FOXP1: variants seen among roughly 807,000 people sequenced by gnomAD.
FOXP1 encodes the protein forkhead box protein P1.
In FOXP1, 15 loss-of-function variants were observed where a neutral mutation model predicts 98.2. The observed-to-expected ratio is 0.15, with a 90% CI of 0.10 to 0.24. The LOEUF is 0.24. Ranked by LOEUF, FOXP1 falls within the 10% of genes least tolerant of loss-of-function variation. FOXP1 has a pLI of 1.00. For synonymous variants in FOXP1, 371 were observed against 314.5 expected (o/e 1.18, Z -1.90); for missense variants, 633 against 848.5 (o/e 0.75, Z 3.15).
At chr3:71,522,102 C>T (rs763235766) in intron 2 of FOXP1, among the ~76,000 whole-genome samples, 7 of 152,248 alleles carry the variant, frequency 4.6e-5, no homozygotes, top group African/African-American at 4.8e-5. Context: ...CCAAATACCA[C>T]GCACCAGCAA....
intron 3 of FOXP1, among the ~76,000 whole-genome samples, chr3:71,443,474 T>C (rs1428170385): frequency 6.6e-6 from 1 of 152,208 alleles, no homozygotes; most frequent in East Asian, 1.9e-4. Flanking sequence ...TTCACGTCTG[T>C]CGGTCTAACA....
intron 6 of FOXP1, among the ~76,000 whole-genome samples, chr3:71,169,562 C>A (rs945796797): frequency 6.6e-6 from 1 of 152,032 alleles, no homozygotes; most frequent in Non-Finnish European, 1.5e-5. Flanking sequence ...AAGACTTTAT[C>A]TTCTGGCTTT....
chr3:71,369,712 C>T (rs1451936628), intron 3 of FOXP1, among the ~76,000 whole-genome samples: 3 of 152,054 alleles, frequency 2.0e-5, no homozygotes, highest in African/African-American at 4.8e-5. Flanking sequence ...TCTTAATATC[C>T]GGTGTAACCC....
At chr3:71,337,979 G>A (rs2076788439) in intron 4 of FOXP1, among the ~76,000 whole-genome samples, 1 of 152,160 alleles carries the variant, frequency 6.6e-6, no homozygotes, top group Admixed American at 6.5e-5. Flanking sequence ...GACATCCTTA[G>A]GTCACAGTCA....
At chr3:71,102,781 C>A (rs1479105729) in intron 7 of FOXP1, among the ~76,000 whole-genome samples, 1 of 152,130 alleles carries the variant, frequency 6.6e-6, no homozygotes, top group Non-Finnish European at 1.5e-5. Flanking sequence ...GTTTGCGGGG[C>A]CCAGGTGGTA....
At chr3:71,503,020 CTGAAAAGCCTTCCATTAT>C (rs1473996791) in intron 2 of FOXP1, among the ~76,000 whole-genome samples, 4 of 143,912 alleles carry the variant, frequency 2.8e-5, no homozygotes, top group Non-Finnish European at 4.5e-5. Flanking sequence ...TAATGTAAAA[CTGAAAAGCCTTCCATTAT>C]TGGAAAAGGA....
chr3:71,300,109 A>G (rs141905752), intron 4 of FOXP1, among the ~76,000 whole-genome samples: 304 of 152,296 alleles, frequency 2.0e-3, no homozygotes, highest in African/African-American at 6.7e-3. Flanking sequence ...AAGGTGAAAC[A>G]TTTCAAATGT....
chr3:71,288,100 G>A (rs1169605404), intron 5 of FOXP1, among the ~76,000 whole-genome samples: 5 of 152,038 alleles, frequency 3.3e-5, no homozygotes, highest in African/African-American at 4.8e-5. Context: ...GGCTGGTCTC[G>A]AACTCCTGAG....
rs544166546 is a variant in FOXP1, at chr3:71,396,215, C to A, written c.-167-36971G>T. On this transcript the variant is annotated intron_variant, in intron 3 of 20. Coordinates refer to ENST00000649528, the MANE Select transcript of FOXP1 (RefSeq NM_001349338.3). ...GGAACAGTAGAGCATCAAAGCAGGG[C>A]AAGAATCCTGAAACTTTTGGAGCTG... is the stretch of plus-strand genomic sequence containing the variant. Among the ~76,000 whole-genome samples the A allele has an allele frequency of 1.9e-3, 291 of 152,110 alleles. 5 individuals are homozygous for A. The highest frequency in any genetic ancestry group is 4.1e-4 in the Non-Finnish European group (28 of 68,000).
At chr3:71,540,399 G>A (rs577268946) in intron 2 of FOXP1, among the ~76,000 whole-genome samples, 88 of 152,252 alleles carry the variant, frequency 5.8e-4, no homozygotes, top group Admixed American at 1.7e-3. Flanking sequence ...GGGGGGACAA[G>A]AAGGGTGAGA....
intron 4 of FOXP1, among the ~76,000 whole-genome samples, chr3:71,353,959 G>A (rs2107859142): frequency 6.6e-6 from 1 of 152,256 alleles, no homozygotes; most frequent in South Asian, 2.1e-4. Context: ...TATCAAAAGA[G>A]AAGTGATGTG....
At chr3:71,227,041 G>C (rs1014098552) in intron 5 of FOXP1, among the ~76,000 whole-genome samples, 2 of 152,038 alleles carry the variant, frequency 1.3e-5, no homozygotes, top group African/African-American at 4.8e-5. Context: ...CGGGCCTCCT[G>C]GACCACATGA....
At chr3:71,313,057 C>CT (rs1227506558) in intron 4 of FOXP1, among the ~76,000 whole-genome samples, 14,604 of 118,972 alleles carry the variant, frequency 0.12, 1,227 homozygotes, top group Non-Finnish European at 0.15. Flanking sequence ...AACTTTAATT[C>CT]TTTTTTTTTT....
At chr3:71,519,970 T>G (rs568155358) in intron 2 of FOXP1, among the ~76,000 whole-genome samples, 1 of 152,194 alleles carries the variant, frequency 6.6e-6, no homozygotes, top group Non-Finnish European at 1.5e-5. Flanking sequence ...TGGGACACAG[T>G]TTTCCAAGTA....
intron 6 of FOXP1, among the ~76,000 whole-genome samples, chr3:71,142,287 T>C (rs1166078254): frequency 1.3e-5 from 2 of 152,204 alleles, no homozygotes; most frequent in Non-Finnish European, 2.9e-5. Context: ...CAGGTGACCC[T>C]TACATTCCTA....
At chr3:71,239,598 A>G (rs898781425) in intron 5 of FOXP1, among the ~76,000 whole-genome samples, 18 of 152,220 alleles carry the variant, frequency 1.2e-4, no homozygotes, top group African/African-American at 4.3e-4. Flanking sequence ...CCACATTTCA[A>G]AAAAGTATAA....
At chr3:71,152,324 CCT>C (rs745800092) in intron 6 of FOXP1, among the ~76,000 whole-genome samples, 17 of 152,252 alleles carry the variant, frequency 1.1e-4, no homozygotes, top group African/African-American at 2.9e-4. Context: ...AGGCTGACCC[CCT>C]GAGTACAGAT....
chr3:71,443,064 T>G (rs1468402012), intron 3 of FOXP1, among the ~76,000 whole-genome samples: 1 of 152,156 alleles, frequency 6.6e-6, no homozygotes, highest in Non-Finnish European at 1.5e-5. Context: ...GCTAATTTTT[T>G]TGTATTTCTG....
intron 2 of FOXP1, among the ~76,000 whole-genome samples, chr3:71,569,382 C>T (rs987929650): frequency 6.6e-6 from 1 of 152,176 alleles, no homozygotes; most frequent in African/African-American, 2.4e-5. Context: ...GGCCTTATTC[C>T]CATCTCATGT....
Sources: gnomAD v4.1 joint callset for allele counts (sites outside exome capture counted in the v4.1 genomes callset) on GRCh38, gnomAD v4.1.1 for gene constraint, MANE v1.5 for transcripts, NCBI Gene and HGNC (gene_info 2026-07-23, HGNC 2026-07-21) for gene names.